The following MORC1 variants were observed in gnomAD, a reference collection of about 807,000 sequenced individuals.
The protein encoded by MORC1 is MORC family CW-type zinc finger protein 1.
In MORC1, 59 loss-of-function variants were observed where a neutral mutation model predicts 134.9. The ratio of observed to expected loss-of-function variants is 0.44; its 90% CI spans 0.35 to 0.54. MORC1 has a LOEUF of 0.54. Among genes scored for constraint, MORC1 ranks in the 20% least tolerant of loss-of-function variants. MORC1 has a pLI of 0.00. For synonymous variants in MORC1, 395 were observed against 391.7 expected (o/e 1.01, Z -0.10); for missense variants, 947 against 1,134.5 (o/e 0.83, Z 2.37).
chr3:108,996,072 C>A (rs979242418), intron 21 of MORC1, among the ~76,000 whole-genome samples: 1 of 152,060 alleles, frequency 6.6e-6, no homozygotes, highest in Non-Finnish European at 1.5e-5. Context: ...GCTCAAGGTG[C>A]CTACTTCCTG....
At chr3:108,961,016 T>G (rs1255415070) in intron 27 of MORC1, among the ~76,000 whole-genome samples, 2 of 152,134 alleles carry the variant, frequency 1.3e-5, no homozygotes, top group African/African-American at 4.8e-5. Context: ...TTTAATCCCG[T>G]TTTTCCATAA....
At chr3:108,989,530 G>A (rs1322087120) in intron 21 of MORC1, among the ~76,000 whole-genome samples, 2 of 152,060 alleles carry the variant, frequency 1.3e-5, no homozygotes, top group African/African-American at 4.8e-5. Context: ...TAAGTCAGAG[G>A]AAAAAAGAAC....
intron 21 of MORC1, among the ~76,000 whole-genome samples, chr3:108,988,317 TC>T (rs1947951133): frequency 6.6e-6 from 1 of 152,164 alleles, no homozygotes; most frequent in African/African-American, 2.4e-5. Context: ...TAAGACTACT[TC>T]TAAGCTACTT....
At chr3:108,987,034 C>A in intron 21 of MORC1, 85 bp from the exon 22 acceptor site, 1 of 986,650 alleles carries the variant, frequency 1.0e-6, no homozygotes, top group Admixed American at 3.2e-5. Context: ...AAGCAGTGTC[C>A]CCAGCAGAAA....
At chr3:109,028,466 C>T (rs969223390) in intron 16 of MORC1, among the ~76,000 whole-genome samples, 19 of 152,146 alleles carry the variant, frequency 1.2e-4, no homozygotes, top group African/African-American at 4.6e-4. Context: ...TGCCCAAGTG[C>T]TCTGCTGTCG....
rs757176520 is a variant in MORC1, at chr3:109,005,058, C to T, written c.2013+12G>A. 2 of 1,598,748 alleles carry T rather than the reference C, an allele frequency of 1.3e-6. No homozygotes were observed. Among genetic ancestry groups the T allele is most frequent in the Non-Finnish European group, 1.7e-6 (2 of 1,173,878 alleles). On this transcript the variant is annotated intron_variant, in intron 19 of 27. Coordinates refer to ENST00000232603, the MANE Select transcript of MORC1 (RefSeq NM_014429.4). ...AGTGAATTGTTTTGTGAATAAGAAA[C>T]AATAATAATACCTGGGATCTCTCAG... is the stretch of plus-strand genomic sequence containing the variant.
intron 20 of MORC1, among the ~76,000 whole-genome samples, chr3:109,002,922 G>C (rs1948443266): frequency 6.6e-6 from 1 of 151,982 alleles, no homozygotes; most frequent in African/African-American, 2.4e-5. Flanking sequence ...AAAGTTCTTT[G>C]TATTCACCAT....
intron 14 of MORC1, among the ~76,000 whole-genome samples, chr3:109,041,568 C>G (rs1576668267): frequency 2.6e-5 from 4 of 151,850 alleles, no homozygotes; most frequent in Admixed American, 6.6e-5. Flanking sequence ...AAAAAATTAG[C>G]CCGGGCGCCA....
chr3:108,961,420 T>C (rs940463991), intron 27 of MORC1, among the ~76,000 whole-genome samples: 4 of 152,194 alleles, frequency 2.6e-5, no homozygotes, highest in Non-Finnish European at 4.4e-5. Context: ...CTCGTCCTGT[T>C]AGATATAATC....
chr3:108,987,057 G>C, intron 21 of MORC1, 108 bp from the exon 22 acceptor site: 1 of 720,698 alleles, frequency 1.4e-6, no homozygotes, highest in Non-Finnish European at 2.1e-6. Context: ...AAATCATAAT[G>C]TTAGCAGCAG....
At position 109,110,731 on chromosome 3, in the gene MORC1, G is replaced by A; in HGVS notation, c.154+18C>T. On this transcript the variant is annotated intron_variant, in intron 3 of 27. Coordinates refer to ENST00000232603, the MANE Select transcript of MORC1 (RefSeq NM_014429.4). ...TTTCCATTAGAAGAAAATAAAAGAA[G>A]AAAGCAAATCTGCTCACCTGAAAAG... 6.4e-7 allele frequency: 1 copy of A among 1,574,626 alleles called. No homozygotes were observed. The highest frequency in any genetic ancestry group is 8.6e-7 in the Non-Finnish European group (1 of 1,166,398).
intron 4 of MORC1, among the ~76,000 whole-genome samples, chr3:109,102,370 A>T (rs371902150): frequency 2.6e-5 from 4 of 152,182 alleles, no homozygotes; most frequent in Non-Finnish European, 5.9e-5. Context: ...GAGGGTTTTC[A>T]GCAGGAAAAT....
At chr3:109,006,210 A>G (rs2107535914) in intron 18 of MORC1, among the ~76,000 whole-genome samples, 1 of 152,282 alleles carries the variant, frequency 6.6e-6, no homozygotes, top group Non-Finnish European at 1.5e-5. Context: ...TGGTTCTGCA[A>G]TTCAGGTATG....
At chr3:109,055,746 T>A (rs1018252315) in intron 13 of MORC1, among the ~76,000 whole-genome samples, 3 of 152,168 alleles carry the variant, frequency 2.0e-5, no homozygotes, top group Admixed American at 1.3e-4. Context: ...GAAATACAGG[T>A]TCCCCCTGGC....
intron 11 of MORC1, among the ~76,000 whole-genome samples, chr3:109,061,048 T>C (rs775286069): frequency 6.6e-6 from 1 of 151,908 alleles, no homozygotes; most frequent in Non-Finnish European, 1.5e-5. Flanking sequence ...GAATTAACTT[T>C]GGGGCATTAC....
chr3:109,014,637 T>G (rs1476441544), intron 17 of MORC1, among the ~76,000 whole-genome samples: 1 of 152,230 alleles, frequency 6.6e-6, no homozygotes, highest in Non-Finnish European at 1.5e-5. Context: ...TGTAATATTT[T>G]AGGTGCTAGC....
intron 4 of MORC1, among the ~76,000 whole-genome samples, chr3:109,103,036 AT>A (rs137890867): frequency 0.032 from 4,904 of 152,248 alleles, 247 homozygotes; most frequent in African/African-American, 0.11. Context: ...GCCATACCTC[AT>A]ATCTTCAGCT....
At chr3:109,070,427 A>G (rs1475409883) in intron 8 of MORC1, among the ~76,000 whole-genome samples, 9 of 152,206 alleles carry the variant, frequency 5.9e-5, no homozygotes, top group Admixed American at 5.9e-4. Flanking sequence ...ATTTTGGGAA[A>G]TCGCCATGTC....
At chr3:109,106,512 T>C (rs941382656) in intron 3 of MORC1, among the ~76,000 whole-genome samples, 21 of 152,204 alleles carry the variant, frequency 1.4e-4, no homozygotes, top group African/African-American at 4.8e-4. Context: ...TTATCACTTG[T>C]TAATTACGCG....
Sources: gnomAD v4.1 joint callset for allele counts (sites outside exome capture counted in the v4.1 genomes callset) on GRCh38, gnomAD v4.1.1 for gene constraint, MANE v1.5 for transcripts, NCBI Gene and HGNC (gene_info 2026-07-23, HGNC 2026-07-21) for gene names.